Variants in STPG2 observed in about 807,000 individuals in gnomAD.
STPG2 encodes sperm tail PG-rich repeat containing 2.
STPG2 carries 56 observed loss-of-function variants against 54.2 expected under a neutral mutation model. The ratio of observed to expected loss-of-function variants is 1.03; its 90% CI spans 0.83 to 1.29. The LOEUF is 1.29. Among genes scored for constraint, STPG2 ranks in the 50% most tolerant of loss-of-function variants. The probability of loss-of-function intolerance (pLI) is 0.00; values close to 1 mark genes in which losing one functional copy is unlikely to be tolerated. For missense variants in STPG2, 596 were observed against 544.9 expected (o/e 1.09, Z -0.93); for synonymous variants, 200 against 181.8 (o/e 1.10, Z -0.81).
intron 8 of STPG2, among the ~76,000 whole-genome samples, chr4:97,856,069 G>A (rs570722046): frequency 6.6e-6 from 1 of 152,146 alleles, no homozygotes; most frequent in South Asian, 2.1e-4. Context: ...GGTTACTGTA[G>A]CCCCGGACTA....
chr4:98,085,343 TA>T (rs1738473480), intron 5 of STPG2, among the ~76,000 whole-genome samples: 1 of 152,096 alleles, frequency 6.6e-6, no homozygotes, highest in African/African-American at 2.4e-5. Context: ...TGATTGATTA[TA>T]AATCTTGAAA....
chr4:98,124,026 A>G (rs934813226), intron 3 of STPG2, among the ~76,000 whole-genome samples: 1 of 151,968 alleles, frequency 6.6e-6, no homozygotes, highest in Non-Finnish European at 1.5e-5. Context: ...GTTTTCCATT[A>G]GCTTGGTAAA....
At chr4:97,970,030 G>T (rs1215727949) in intron 7 of STPG2, among the ~76,000 whole-genome samples, 2 of 152,120 alleles carry the variant, frequency 1.3e-5, no homozygotes, top group African/African-American at 2.4e-5. Context: ...CAAACAGAGA[G>T]CCCAATCATG....
chr4:97,881,146 C>A (rs1730357365), intron 8 of STPG2, among the ~76,000 whole-genome samples: 1 of 151,412 alleles, frequency 6.6e-6, no homozygotes, highest in Non-Finnish European at 1.5e-5. Context: ...GTAAAGAGTG[C>A]AAAGTGAATA....
intron 9 of STPG2, among the ~76,000 whole-genome samples, chr4:97,736,980 C>T (rs1331648324): frequency 2.0e-5 from 3 of 152,162 alleles, no homozygotes; most frequent in African/African-American, 7.2e-5. Flanking sequence ...CAGACTGACA[C>T]CTCACACGGC....
intron 5 of STPG2, among the ~76,000 whole-genome samples, chr4:98,015,436 G>A (rs1344096382): frequency 8.5e-5 from 13 of 152,058 alleles, no homozygotes; most frequent in Admixed American, 3.9e-4. Flanking sequence ...ACATTTATGC[G>A]GCCAACAAAC....
intron 8 of STPG2, among the ~76,000 whole-genome samples, chr4:97,854,857 AG>A (rs1456970691): frequency 6.6e-6 from 1 of 152,128 alleles, no homozygotes; most frequent in Non-Finnish European, 1.5e-5. Context: ...CTACGTATTA[AG>A]CCCAGTATCC....
At chr4:98,063,345 A>G (rs1375492974) in intron 5 of STPG2, among the ~76,000 whole-genome samples, 1 of 151,990 alleles carries the variant, frequency 6.6e-6, no homozygotes, top group Non-Finnish European at 1.5e-5. Flanking sequence ...GCTCCTCAGG[A>G]GTCTGAGGCA....
chr4:97,914,977 C>A (rs1291121638), intron 8 of STPG2, among the ~76,000 whole-genome samples: 1 of 152,188 alleles, frequency 6.6e-6, no homozygotes, highest in Non-Finnish European at 1.5e-5. Context: ...CATATTATAG[C>A]ACGTCAGAAT....
chr4:97,924,107 C>T (rs575543771), intron 8 of STPG2, among the ~76,000 whole-genome samples: 10 of 152,134 alleles, frequency 6.6e-5, no homozygotes, highest in African/African-American at 1.9e-4. Flanking sequence ...ACACTCACCG[C>T]GAAGGTCTGC....
intron 5 of STPG2, among the ~76,000 whole-genome samples, chr4:98,017,976 G>C (rs183837267): frequency 6.1e-4 from 93 of 151,490 alleles, no homozygotes; most frequent in African/African-American, 2.2e-3. Context: ...TAGCCATGTG[G>C]GACTGTGAGT....
At chr4:97,556,428 A>G (rs2148870614), downstream of STPG2, among the ~76,000 whole-genome samples, 2 of 152,354 alleles carry the variant, frequency 1.3e-5, no homozygotes, top group South Asian at 4.1e-4. Context: ...GCACTTCACA[A>G]TATTAGTGCA....
chr4:97,981,055 A>G (rs1734657470), intron 6 of STPG2, 104 bp downstream of exon 6: 1 of 1,267,792 alleles, frequency 7.9e-7, no homozygotes, highest in Non-Finnish European at 1.1e-6. Context: ...GACACCAACC[A>G]TAGGACAAAA....
intron 5 of STPG2, among the ~76,000 whole-genome samples, chr4:98,052,623 T>C (rs1224261563): frequency 6.6e-6 from 1 of 152,184 alleles, no homozygotes. Context: ...TACATCAATA[T>C]AAATGTGAAA....
At chr4:98,073,838 TATTTTAAGTAAA>T (rs1280784594) in intron 5 of STPG2, among the ~76,000 whole-genome samples, 6 of 152,190 alleles carry the variant, frequency 3.9e-5, no homozygotes, top group Non-Finnish European at 1.5e-5. Flanking sequence ...ATTGCAAGTA[TATTTTAAGTAAA>T]ATTTGGAAGG....
chr4:98,075,488 T>C (rs1191556271), intron 5 of STPG2, among the ~76,000 whole-genome samples: 2 of 152,318 alleles, frequency 1.3e-5, no homozygotes, highest in Non-Finnish European at 2.9e-5. Flanking sequence ...GATGCCTTGA[T>C]AGAAAAAGTT....
chr4:97,593,937 G>A (rs548633535), intron 10 of STPG2, among the ~76,000 whole-genome samples: 1 of 152,218 alleles, frequency 6.6e-6, no homozygotes, highest in South Asian at 2.1e-4. Flanking sequence ...AATGAAGCCA[G>A]TCAACTGAAC....
chr4:97,527,985 C>T (rs142356046), intron 4 of STPG2, among the ~76,000 whole-genome samples: 1 of 152,046 alleles, frequency 6.6e-6, no homozygotes, highest in Non-Finnish European at 1.5e-5. Flanking sequence ...TTTTGTTGTG[C>T]AGAAGCTCTT....
intron 4 of STPG2, among the ~76,000 whole-genome samples, chr4:97,456,891 CAAA>C (rs57563048): frequency 4.1e-5 from 2 of 48,918 alleles, no homozygotes; most frequent in Non-Finnish European, 3.6e-5. Context: ...TGCTCCGTCT[CAAA>C]AAAAAAAAAA....
Sources: gnomAD v4.1 joint callset for allele counts (sites outside exome capture counted in the v4.1 genomes callset) on GRCh38, gnomAD v4.1.1 for gene constraint, MANE v1.5 for transcripts, NCBI Gene and HGNC (gene_info 2026-07-23, HGNC 2026-07-21) for gene names.